FAM53B: variants seen among roughly 807,000 people sequenced by gnomAD.
FAM53B encodes protein FAM53B.
Under a neutral mutation model 32.7 loss-of-function variants are expected in FAM53B, and 12 were observed. The observed-to-expected ratio is 0.37, with a 90% CI of 0.24 to 0.59. FAM53B has a LOEUF of 0.59. Among genes scored for constraint, FAM53B ranks in the 20% least tolerant of loss-of-function variants. The pLI, the probability that FAM53B is intolerant of heterozygous loss-of-function variation, is 0.72. For missense variants in FAM53B, 477 were observed against 577.7 expected (o/e 0.83, Z 1.79); for synonymous variants, 234 against 228.7 (o/e 1.02, Z -0.21).
intron 4 of FAM53B, among the ~76,000 whole-genome samples, chr10:124,656,608 CAGCCCCTAAGGCCAGA>C (rs1322769584): frequency 2.0e-5 from 3 of 152,196 alleles, no homozygotes; most frequent in Non-Finnish European, 4.4e-5. Context: ...CAGGCCAGCC[CAGCCCCTAAGGCCAGA>C]CAACACGACC....
chr10:124,679,755 G>T (rs1949757995), intron 4 of FAM53B, among the ~76,000 whole-genome samples: 1 of 152,254 alleles, frequency 6.6e-6, no homozygotes, highest in African/African-American at 2.4e-5. Flanking sequence ...CCCAGATCTG[G>T]GAGGCCTGCC....
intron 1 of FAM53B, among the ~76,000 whole-genome samples, chr10:124,717,893 G>A (rs150453407): frequency 2.6e-5 from 4 of 152,130 alleles, no homozygotes; most frequent in East Asian, 1.9e-4. Context: ...ATGAGCTCTC[G>A]GACTCTCCCT....
Position 124,657,288 on chromosome 10 carries a change from T to G in FAM53B, c.906+24319A>C, listed in dbSNP as rs1166371463. Among the ~76,000 whole-genome samples, 3 of 151,972 alleles carry G rather than the reference T, an allele frequency of 2.0e-5. No homozygotes were observed. The East Asian group carries it at 5.8e-4, about 29-fold the overall frequency. On this transcript the variant is annotated intron_variant, in intron 4 of 4. Coordinates refer to ENST00000337318, the MANE Select transcript of FAM53B (RefSeq NM_014661.4). ...AAGAAACCAGTGCTAAGCTAATATA[T>G]TTTGTTTTAACTCATGTTTCTTTCC...
At chr10:124,655,079 G>C (rs1288830775) in intron 4 of FAM53B, among the ~76,000 whole-genome samples, 5 of 152,180 alleles carry the variant, frequency 3.3e-5, no homozygotes, top group Admixed American at 2.0e-4. Flanking sequence ...ACACAGATTT[G>C]AGCTCCAGGG....
intron 2 of FAM53B, among the ~76,000 whole-genome samples, chr10:124,702,499 C>A (rs547289059): frequency 6.6e-6 from 1 of 152,226 alleles, no homozygotes; most frequent in African/African-American, 2.4e-5. Flanking sequence ...TGTCTCTCCC[C>A]AAGGCCTGGA....
At position 124,706,042 on chromosome 10, in the gene FAM53B, A is replaced by G. The variant is rs573105024; in HGVS notation, c.78+594T>C. On this transcript the variant is annotated intron_variant, in intron 2 of 4. Coordinates refer to ENST00000337318, the MANE Select transcript of FAM53B (RefSeq NM_014661.4). Reference sequence around the variant, plus strand: ...TCTGAGGAACTGGGCTTGGAAGGACAGGTCTGCTGACAGGGTTCAGCTACT... The same window carrying G: ...TCTGAGGAACTGGGCTTGGAAGGACGGGTCTGCTGACAGGGTTCAGCTACT... Among the ~76,000 whole-genome samples the G allele has an allele frequency of 2.8e-3, 420 of 152,344 alleles. 1 individual carries two copies. The highest frequency in any genetic ancestry group is 9.9e-3 in the African/African-American group (410 of 41,588).
At chr10:124,712,630 C>T (rs10751605) in intron 1 of FAM53B, among the ~76,000 whole-genome samples, 132,840 of 152,028 alleles carry the variant, frequency 0.87, 60,769 homozygotes, top group Non-Finnish European at 1. Context: ...ACCTCTCTCC[C>T]GTGACTCCCT....
At chr10:124,699,731 C>G (rs772606307) in intron 2 of FAM53B, among the ~76,000 whole-genome samples, 25 of 152,256 alleles carry the variant, frequency 1.6e-4, no homozygotes, top group Non-Finnish European at 3.1e-4. Context: ...TCCCCTGGCC[C>G]CAGGCTAGGC....
At position 124,651,045 on chromosome 10, in the gene FAM53B, G is replaced by C. The variant is rs911008944; in HGVS notation, c.907-27441C>G. ...GGGAGCCCCCCAATCTCCCTTCAGAGGCCACTTCCTGCCCAAACCACCCCA... is the reference window on the plus strand; with the variant it reads ...GGGAGCCCCCCAATCTCCCTTCAGACGCCACTTCCTGCCCAAACCACCCCA... On this transcript the variant is annotated intron_variant, in intron 4 of 4. Transcript: ENST00000337318. The surrounding 1 kb of genome is among the most constrained non-coding windows in gnomAD (Gnocchi z 5.2). Among the ~76,000 whole-genome samples, 2 of 151,928 alleles carry C rather than the reference G, an allele frequency of 1.3e-5. No individual in the cohort carries two copies. Among genetic ancestry groups the C allele is most frequent in the Non-Finnish European group, 2.9e-5 (2 of 68,014 alleles).
chr10:124,628,273 G>A (rs1039105686), intron 4 of FAM53B, among the ~76,000 whole-genome samples: 50 of 152,302 alleles, frequency 3.3e-4, no homozygotes, highest in Admixed American at 2.7e-3. Context: ...CATGAGCTAC[G>A]GCCCCACATG....
rs1243174262 is a variant in FAM53B, at chr10:124,643,456, T to C, written c.907-19852A>G. On this transcript the variant is annotated intron_variant, in intron 4 of 4. Coordinates refer to ENST00000337318, the MANE Select transcript of FAM53B (RefSeq NM_014661.4). ...CTTTCAGCGTGGCTGCAGGAATCTATACAGGTCCACTTAAATCAGTCTGAA... is the reference window on the plus strand; with the variant it reads ...CTTTCAGCGTGGCTGCAGGAATCTACACAGGTCCACTTAAATCAGTCTGAA... Among the ~76,000 whole-genome samples the C allele has an allele frequency of 2.6e-5, 4 of 152,368 alleles. No homozygotes were observed. In the East Asian group the frequency reaches 5.8e-4, roughly 22 times the overall value.
At chr10:124,690,746 CAT>C (rs1949828227) in intron 3 of FAM53B, among the ~76,000 whole-genome samples, 4 of 152,244 alleles carry the variant, frequency 2.6e-5, no homozygotes, top group African/African-American at 9.6e-5. Context: ...AAAAATCACA[CAT>C]ATGACCATAA....
At chr10:124,670,598 G>A (rs1461740377) in intron 4 of FAM53B, among the ~76,000 whole-genome samples, 8 of 152,168 alleles carry the variant, frequency 5.3e-5, no homozygotes, top group African/African-American at 1.9e-4. Flanking sequence ...GCCTCGCCAT[G>A]CCCTGCACTC....
intron 4 of FAM53B, among the ~76,000 whole-genome samples, chr10:124,655,459 G>A (rs945639989): frequency 1.3e-5 from 2 of 151,888 alleles, no homozygotes; most frequent in Admixed American, 6.6e-5. Flanking sequence ...CTCATCCCAC[G>A]AAGCTTCTCA....
chr10:124,627,366 A>G (rs1949362470), intron 4 of FAM53B, among the ~76,000 whole-genome samples: 1 of 152,250 alleles, frequency 6.6e-6, no homozygotes, highest in Non-Finnish European at 1.5e-5. Flanking sequence ...CTGCACAGGC[A>G]AGTTGGAAGC....
intron 1 of FAM53B, among the ~76,000 whole-genome samples, chr10:124,718,820 G>A (rs781637297): frequency 6.6e-6 from 1 of 152,256 alleles, no homozygotes; most frequent in Non-Finnish European, 1.5e-5. Flanking sequence ...GGCTGACGCA[G>A]GTGAAATGCT....
intron 1 of FAM53B, among the ~76,000 whole-genome samples, chr10:124,731,274 C>T (rs1049533178): frequency 6.6e-6 from 1 of 152,242 alleles, no homozygotes. Flanking sequence ...CTTGGACTCG[C>T]ACTATCCTGT....
chr10:124,739,855 G>A (rs993856574), intron 1 of FAM53B, among the ~76,000 whole-genome samples: 2 of 152,070 alleles, frequency 1.3e-5, no homozygotes, highest in African/African-American at 4.8e-5. Context: ...AAATCTTCCA[G>A]AGTCCTTCAA....
At chr10:124,735,424 G>A (rs1950167604) in intron 1 of FAM53B, among the ~76,000 whole-genome samples, 1 of 152,116 alleles carries the variant, frequency 6.6e-6, no homozygotes, top group African/African-American at 2.4e-5. Context: ...CTCAACTCTT[G>A]GTAACAGACA....
Sources: allele counts gnomAD v4.1 joint callset (sites outside exome capture counted in the v4.1 genomes callset), GRCh38; gene constraint gnomAD v4.1.1; non-coding constraint Gnocchi (gnomAD v3.1); transcripts MANE v1.5; gene names NCBI Gene and HGNC (gene_info 2026-07-23, HGNC 2026-07-21).